Variants in KIAA1143 observed in about 807,000 individuals in gnomAD.
KIAA1143 encodes the protein KIAA1143.
In KIAA1143, 8 loss-of-function variants were observed where a neutral mutation model predicts 17.0. The ratio of observed to expected loss-of-function variants is 0.47; its 90% confidence interval spans 0.28 to 0.85. The LOEUF is 0.85. Ranked by LOEUF, KIAA1143 falls within the 40% of genes least tolerant of loss-of-function variation. KIAA1143 has a pLI of 0.12. For missense variants in KIAA1143, 162 were observed against 183.3 expected (o/e 0.88, Z 0.67); for synonymous variants, 64 against 67.8 (o/e 0.94, Z 0.27).
At chr3:44,757,323 C>T (rs1704988687) in intron 1 of KIAA1143, among the ~76,000 whole-genome samples, 1 of 152,166 alleles carries the variant, frequency 6.6e-6, no homozygotes, top group Non-Finnish European at 1.5e-5. Context: ...CTCCCTGTTG[C>T]TTACTAAATA....
In KIAA1143 at chr3:44,751,960, A is replaced by C. The variant is rs191835720; in HGVS notation, c.*1381T>G. ...CTCAGTCTCTCAGCCTCCCATAAAG[A>C]TTTACGAGGATCACGTCTCTCAGGG... On this transcript the variant is annotated 3_prime_UTR_variant, in exon 3 of 3. Transcript: ENST00000296121. The C allele has an allele frequency of 1.3e-5, 2 of 152,256 alleles. No homozygotes were observed. The highest frequency in any genetic ancestry group is 2.9e-5 in the Non-Finnish European group (2 of 68,050). The allele number at this position is 152,256 out of a possible 1,614,324, so 9.4% of individuals were successfully genotyped here. A position where few individuals can be genotyped will look rare whatever the true frequency, so the allele number is the denominator to read the frequency against.
chr3:44,761,586 T>TTGCTCATGGTACGTAC lies in KIAA1143; in HGVS notation c.16_17insGTACGTACCATGAGCA (p.Gln6ArgfsTer36). The TTGCTCATGGTACGTAC allele has an allele frequency of 6.2e-7, 1 of 1,611,258 alleles. No individual in the cohort carries two copies. Among genetic ancestry groups the TTGCTCATGGTACGTAC allele is most frequent in the South Asian group, 1.1e-5 (1 of 90,792 alleles). ...CTCGGCTGGCCGCACGTACGATACC[T>TTGCTCATGGTACGTAC]GGTTCCGCTTGCTCATGGTAGCTCT... On this transcript the variant is annotated frameshift_variant, in exon 1 of 3. Coordinates refer to ENST00000296121, the MANE Select transcript of KIAA1143 (RefSeq NM_020696.4). LOFTEE classifies it high-confidence loss of function.
At chr3:44,757,178 G>A in intron 1 of KIAA1143, among the ~76,000 whole-genome samples, 1 of 152,184 alleles carries the variant, frequency 6.6e-6, no homozygotes, top group East Asian at 1.9e-4. Context: ...CCTCAAGCAA[G>A]GTAAAGCTGG....
At chr3:44,757,591 T>C (rs1186675632) in intron 1 of KIAA1143, among the ~76,000 whole-genome samples, 2 of 152,248 alleles carry the variant, frequency 1.3e-5, no homozygotes, top group African/African-American at 4.8e-5. Flanking sequence ...AGGATTAAGA[T>C]ACTAACTTAA....
In KIAA1143 at chr3:44,751,536, T is replaced by C. The variant is rs1285876599; in HGVS notation, c.*1805A>G. ...CTTATGTATTTTCCTAGAAGAAGAATGCTGTTTTGATGTCAACCAATCAGG... is the reference window on the plus strand; with the variant it reads ...CTTATGTATTTTCCTAGAAGAAGAACGCTGTTTTGATGTCAACCAATCAGG... On this transcript the variant is annotated 3_prime_UTR_variant, in exon 3 of 3. Coordinates refer to ENST00000296121, the MANE Select transcript of KIAA1143 (RefSeq NM_020696.4). The C allele has an allele frequency of 6.6e-6, 1 of 152,170 alleles. No homozygotes were observed. The highest frequency in any genetic ancestry group is 2.4e-5 in the African/African-American group (1 of 41,444). The allele number at this position is 152,170 out of a possible 1,614,324, so 9.4% of individuals were successfully genotyped here.
In KIAA1143 at chr3:44,751,853, A is replaced by G. The variant is rs1224130546; in HGVS notation, c.*1488T>C. ...AGAAGCTACCCTGTCTCCCCTAGAC[A>G]AAGCAGGGTGAGAGTTACGTGATCT... is the stretch of plus-strand genomic sequence containing the variant. On this transcript the variant is annotated 3_prime_UTR_variant, in exon 3 of 3. Transcript: ENST00000296121. 6.6e-6 allele frequency: 1 copy of G among 152,220 alleles called. No homozygotes were observed. The highest frequency in any genetic ancestry group is 1.5e-5 in the Non-Finnish European group (1 of 68,058). The allele number at this position is 152,220 out of a possible 1,614,324, so 9.4% of individuals were successfully genotyped here.
rs1022953013 is a variant in KIAA1143 at position 44,749,080 on chromosome 3, T to C, written c.*4261A>G. On this transcript the variant is annotated 3_prime_UTR_variant, in exon 3 of 3. Coordinates refer to ENST00000296121, the MANE Select transcript of KIAA1143 (RefSeq NM_020696.4). ...CACACACATCACCTTTCAGTGTTCT[T>C]TATAGGTACTTAAAACTTAAAAAAA... 6.6e-6 allele frequency: 1 copy of C among 152,098 alleles called. No individual in the cohort carries two copies. The highest frequency in any genetic ancestry group is 6.5e-5 in the Admixed American group (1 of 15,268). The allele number at this position is 152,098 out of a possible 1,614,324, so 9.4% of individuals were successfully genotyped here.
intron 1 of KIAA1143, 151 bp downstream of exon 1, chr3:44,761,344 G>C: frequency 1.6e-6 from 1 of 625,432 alleles, no homozygotes. Context: ...CGCTTGAAAA[G>C]AACCAGCCTG....
rs763577147 is a variant in KIAA1143 at position 44,754,285 on chromosome 3, C to T, written c.192G>A (p.Lys64=). 50 of 1,613,928 alleles carry T rather than the reference C, an allele frequency of 3.1e-5. No homozygotes were observed. The Middle Eastern group carries it at 4.9e-4, about 16-fold the overall frequency. The change falls in exon 2 of 3, where the codon AAG becomes AAA. Residue 64 remains lysine (K), a synonymous_variant. Transcript: ENST00000296121. ...DEQPQVVVLK[K]GDLSVEEVMK... The stretch of plus-strand genomic sequence containing the variant: ...TGACTTCTTCAACTGACAGGTCTCC[C>T]TTTTTTAAAACCACCACTTGAGGCT...
At position 44,761,551 on chromosome 3, in the gene KIAA1143, G is replaced by T; in HGVS notation, c.52C>A (p.Leu18Met). 1.2e-6 allele frequency: 2 copies of T among 1,614,190 alleles called. No individual in the cohort carries two copies. The highest frequency in any genetic ancestry group is 1.7e-6 in the Non-Finnish European group (2 of 1,180,044). Residue 18 changes from leucine (L) to methionine (M), a missense_variant, in exon 1 of 3, where the codon CTG becomes ATG. Coordinates refer to ENST00000296121, the MANE Select transcript of KIAA1143 (RefSeq NM_020696.4). ...CCGACCCGTTCCTTGAAGCGGGCCA[G>T]AAACGCCGGCTCGGCTGGCCGCACG... The part of the protein sequence containing the change: ...SYVRPAEPAF[L>M]ARFKERVGYR...
chr3:44,757,960 T>C (rs1705001462), intron 1 of KIAA1143, among the ~76,000 whole-genome samples: 1 of 152,182 alleles, frequency 6.6e-6, no homozygotes, highest in South Asian at 2.1e-4. Context: ...CCAGTTCACA[T>C]AAAAGTTATG....
chr3:44,761,619 GACAGA>G (rs749117054), upstream of KIAA1143: 1 of 305,814 alleles, frequency 3.3e-6, no homozygotes, highest in Admixed American at 1.3e-4. Flanking sequence ...TCTGGGTAAA[GACAGA>G]AGACAGGTTC....
At chr3:44,759,356 T>G (rs1474349722) in intron 1 of KIAA1143, among the ~76,000 whole-genome samples, 1 of 152,084 alleles carries the variant, frequency 6.6e-6, no homozygotes, top group Non-Finnish European at 1.5e-5. Flanking sequence ...TTCTGAGCAG[T>G]AGGTCTCAAC....
chr3:44,761,361 C>T, intron 1 of KIAA1143, 134 bp downstream of exon 1: 3 of 652,112 alleles, frequency 4.6e-6, no homozygotes, highest in Non-Finnish European at 8.1e-6. Context: ...CCTGGGGGTC[C>T]GAGTTCCACC....
rs1267429308 is a variant in KIAA1143, at chr3:44,749,767, G to C, written c.*3574C>G. 1 of 152,122 alleles carries C rather than the reference G, an allele frequency of 6.6e-6. No individual in the cohort carries two copies. Among genetic ancestry groups the C allele is most frequent in the African/African-American group, 2.4e-5 (1 of 41,442 alleles). The allele number at this position is 152,122 out of a possible 1,614,324, so 9.4% of individuals were successfully genotyped here. A position where few individuals can be genotyped will look rare whatever the true frequency, so the allele number is the denominator to read the frequency against. ...ATAAACAAAAACAAAGAGAATATGGGTAATTCTTTTTTTAAAATTTATTTC... is the reference window on the plus strand; with the variant it reads ...ATAAACAAAAACAAAGAGAATATGGCTAATTCTTTTTTTAAAATTTATTTC... On this transcript the variant is annotated 3_prime_UTR_variant, in exon 3 of 3. Coordinates refer to ENST00000296121, the MANE Select transcript of KIAA1143 (RefSeq NM_020696.4).
At chr3:44,757,205 A>C (rs910245700) in intron 1 of KIAA1143, among the ~76,000 whole-genome samples, 3 of 152,136 alleles carry the variant, frequency 2.0e-5, no homozygotes, top group African/African-American at 7.2e-5. Flanking sequence ...TCTTCTCCTC[A>C]TCGCTCAATC....
Position 44,761,567 on chromosome 3 carries a change from T to A in KIAA1143, c.36A>T (p.Pro12=), listed in dbSNP as rs745865631. 2 of 1,614,104 alleles carry A rather than the reference T, an allele frequency of 1.2e-6. No individual in the cohort carries two copies. Among genetic ancestry groups the A allele is most frequent in the Non-Finnish European group, 1.7e-6 (2 of 1,180,032 alleles). ...AGCGGGCCAGAAACGCCGGCTCGGC[T>A]GGCCGCACGTACGATACCTGGTTCC... is the stretch of plus-strand genomic sequence containing the variant. ...SKRNQVSYVR[P]AEPAFLARFK... Residue 12 remains proline (P), a synonymous_variant, in exon 1 of 3, where the codon CCA becomes CCT. Transcript: ENST00000296121.
At chr3:44,759,359 G>A (rs181683081) in intron 1 of KIAA1143, among the ~76,000 whole-genome samples, 2 of 152,186 alleles carry the variant, frequency 1.3e-5, no homozygotes, top group Non-Finnish European at 2.9e-5. Flanking sequence ...TGAGCAGTAG[G>A]TCTCAACAGT....
At chr3:44,757,807 C>T (rs192334871) in intron 1 of KIAA1143, among the ~76,000 whole-genome samples, 20 of 152,320 alleles carry the variant, frequency 1.3e-4, no homozygotes, top group Admixed American at 7.2e-4. Context: ...TCCATCTCTT[C>T]GTCCTTTCAG....
Sources: allele counts gnomAD v4.1 joint callset (sites outside exome capture counted in the v4.1 genomes callset), GRCh38; gene constraint gnomAD v4.1.1; transcripts MANE v1.5; gene names NCBI Gene and HGNC (gene_info 2026-07-23, HGNC 2026-07-21).